NLGN4X: variants seen among roughly 807,000 people sequenced by gnomAD.
The protein encoded by NLGN4X is neuroligin 4 X-linked.
A neutral mutation model predicts 40.3 loss-of-function variants in NLGN4X; 3 were observed. The observed-to-expected ratio is 0.07, with a 90% CI of 0.03 to 0.19. NLGN4X has a LOEUF of 0.19. Ranked by LOEUF, NLGN4X falls within the 10% of genes least tolerant of loss-of-function variation. The pLI is 1.00. For missense variants in NLGN4X, 382 were observed against 708.3 expected (o/e 0.54, Z 5.23); for synonymous variants, 270 against 306.8 (o/e 0.88, Z 1.25).
chrX:6,028,106 C>T (rs2036757833), intron 3 of NLGN4X, among the ~76,000 whole-genome samples: 1 of 111,253 alleles, frequency 9.0e-6, no homozygotes, highest in South Asian at 3.8e-4. Flanking sequence ...CGAGAGCCAC[C>T]ACACCTGGCC....
intron 2 of NLGN4X, among the ~76,000 whole-genome samples, chrX:6,116,455 G>A (rs1254531556): frequency 3.0e-5 from 2 of 67,048 alleles, no homozygotes; most frequent in Non-Finnish European, 5.0e-5. Context: ...TCACTCTGTC[G>A]CCCAGGCTGG....
chrX:6,164,156 G>C (rs759223126), intron 1 of NLGN4X, among the ~76,000 whole-genome samples: 3 of 112,939 alleles, frequency 2.7e-5, no homozygotes, highest in Non-Finnish European at 5.6e-5. Context: ...TAAAGTGTTA[G>C]AGTATTACTT....
At chrX:6,107,050 C>T (rs1440027080) in intron 2 of NLGN4X, among the ~76,000 whole-genome samples, 1 of 112,651 alleles carries the variant, frequency 8.9e-6, no homozygotes, top group Admixed American at 9.4e-5. Flanking sequence ...CCAATATAGA[C>T]ATGGTCTCAT....
intron 3 of NLGN4X, among the ~76,000 whole-genome samples, chrX:5,917,140 C>T (rs766519928): frequency 1.8e-5 from 2 of 112,475 alleles, no homozygotes; most frequent in African/African-American, 6.5e-5. Flanking sequence ...GGCTGCTGGG[C>T]GACCATAAAT....
chrX:6,120,945 A>C (rs1287780353), intron 2 of NLGN4X, among the ~76,000 whole-genome samples: 1 of 112,081 alleles, frequency 8.9e-6, no homozygotes, highest in South Asian at 3.7e-4. Flanking sequence ...TCTATGCTAA[A>C]TAACATCTAC....
At chrX:6,100,746 T>C (rs752555355) in intron 2 of NLGN4X, among the ~76,000 whole-genome samples, 52 of 112,246 alleles carry the variant, frequency 4.6e-4, no homozygotes, top group Non-Finnish European at 8.6e-4. Flanking sequence ...TTCACAAATA[T>C]TAAGCTTTGA....
At chrX:5,929,127 A>G (rs2033442620) in intron 3 of NLGN4X, among the ~76,000 whole-genome samples, 1 of 111,805 alleles carries the variant, frequency 8.9e-6, no homozygotes, top group Non-Finnish European at 1.9e-5. Flanking sequence ...ATAAACTATT[A>G]ATTATTTTTA....
At chrX:6,187,827 T>G (rs1342559647) in intron 1 of NLGN4X, 2 of 111,621 alleles carry the variant, frequency 1.8e-5, no homozygotes, top group Non-Finnish European at 3.8e-5. Context: ...TTTTGCAGAA[T>G]GGGAAAACTG....
In NLGN4X at chrX:5,961,921, A is replaced by G. The variant is rs148285624; in HGVS notation, c.626-52682T>C. Among the ~76,000 whole-genome samples, 32 of 112,444 alleles carry G rather than the reference A, an allele frequency of 2.8e-4. No homozygotes were observed. In the East Asian group the frequency reaches 9.0e-3, roughly 31 times the overall value. ...GATGTTCTTATTTCTACTGCATGTAAGAGGACATCTCTCTACGATATGTGA... is the reference window on the plus strand; with the variant it reads ...GATGTTCTTATTTCTACTGCATGTAGGAGGACATCTCTCTACGATATGTGA... On this transcript the variant is annotated intron_variant, in intron 3 of 5. Transcript: ENST00000381095.
At chrX:6,185,214 C>G (rs1294134160) in intron 1 of NLGN4X, among the ~76,000 whole-genome samples, 2 of 112,040 alleles carry the variant, frequency 1.8e-5, no homozygotes, top group Non-Finnish European at 3.8e-5. Context: ...CTGTTCCAGG[C>G]CTTTGCACTG....
intron 3 of NLGN4X, among the ~76,000 whole-genome samples, chrX:5,982,547 C>T (rs1394328604): frequency 8.9e-6 from 1 of 112,049 alleles, no homozygotes; most frequent in Non-Finnish European, 1.9e-5. Flanking sequence ...ATTATTCAAA[C>T]CAACCTTCTT....
intron 3 of NLGN4X, among the ~76,000 whole-genome samples, chrX:5,997,132 G>T (rs995312865): frequency 9.2e-6 from 1 of 108,951 alleles, no homozygotes; most frequent in Non-Finnish European, 1.9e-5. Flanking sequence ...TTTTTTGGGG[G>T]TGGGGTTGGA....
intron 3 of NLGN4X, among the ~76,000 whole-genome samples, chrX:5,968,230 G>C (rs1049729616): frequency 9.3e-6 from 1 of 107,865 alleles, no homozygotes; most frequent in African/African-American, 3.4e-5. Context: ...TCTCTAAAAG[G>C]AATGTGAATG....
chrX:6,000,093 A>C (rs953428374), intron 3 of NLGN4X, among the ~76,000 whole-genome samples: 3 of 112,278 alleles, frequency 2.7e-5, no homozygotes, highest in African/African-American at 9.7e-5. Context: ...CTAGGCTATA[A>C]ATGGAATTCT....
rs190437859 is a variant in NLGN4X, at chrX:6,002,228, A to G, written c.625+27052T>C. 1.3e-3 allele frequency among the ~76,000 whole-genome samples: 147 copies of G among 112,250 alleles called. 1 individual carries two copies. Among genetic ancestry groups the G allele is most frequent in the African/African-American group, 4.5e-3 (138 of 30,872 alleles). On this transcript the variant is annotated intron_variant, in intron 3 of 5. Coordinates refer to ENST00000381095, the MANE Select transcript of NLGN4X (RefSeq NM_181332.3). The stretch of plus-strand genomic sequence containing the variant: ...GTAGTATGTGTGATAAGGAGTGCTG[A>G]ACACAGCCTCCTAAGAATGTGGTTT...
rs1387573686 is a variant in NLGN4X at position 5,894,583 on chromosome X, CA to C, written c.1602-918del. On this transcript the variant is annotated intron_variant, in intron 5 of 5. Coordinates refer to ENST00000381095, the MANE Select transcript of NLGN4X (RefSeq NM_181332.3). Reference sequence around the variant, plus strand: ...TAAGTTGTGCTTGGAAACTATGAGCCAAAGAATTATCTTCTTATTATTTGCA... The same window carrying C: ...TAAGTTGTGCTTGGAAACTATGAGCCAAGAATTATCTTCTTATTATTTGCA... 5.4e-5 allele frequency among the ~76,000 whole-genome samples: 6 copies of C among 111,331 alleles called. No individual in the cohort carries two copies. The Admixed American group carries it at 5.7e-4, about 11-fold the overall frequency.
At chrX:6,134,731 T>C (rs1337139060) in intron 2 of NLGN4X, among the ~76,000 whole-genome samples, 1 of 112,385 alleles carries the variant, frequency 8.9e-6, no homozygotes, top group Non-Finnish European at 1.9e-5. Context: ...GGTGCCTACG[T>C]GGACTTACAG....
intron 3 of NLGN4X, among the ~76,000 whole-genome samples, chrX:5,917,848 C>T (rs769460129): frequency 4.5e-5 from 5 of 111,813 alleles, no homozygotes; most frequent in East Asian, 2.8e-4. Flanking sequence ...GATGGTAAAG[C>T]GAGATTGTGT....
rs757802929 is a variant in NLGN4X at position 6,032,770 on chromosome X, G to A, written c.473-3338C>T. ...TGGCTCCTGGGGTCATATTGAGAAG[G>A]AAAATAAAGGGAAAAAAGAGAATTC... On this transcript the variant is annotated intron_variant, in intron 2 of 5. Transcript: ENST00000381095. The A allele has an allele frequency of 1.4e-5, 15 of 1,061,365 alleles. No homozygotes were observed. The East Asian group carries it at 4.7e-4, about 33-fold the overall frequency. 87.5% of individuals were successfully genotyped at this position (1,061,365 alleles called of 1,213,427 possible). A position where few individuals can be genotyped will look rare whatever the true frequency, so the allele number is the denominator to read the frequency against.
Sources: gnomAD v4.1 joint callset for allele counts (sites outside exome capture counted in the v4.1 genomes callset) on GRCh38, gnomAD v4.1.1 for gene constraint, MANE v1.5 for transcripts, NCBI Gene and HGNC (gene_info 2026-07-23, HGNC 2026-07-21) for gene names.